Variants in FAM9C observed in about 807,000 individuals in gnomAD.
FAM9C encodes the protein family with sequence similarity 9 member C, also known as protein FAM9C.
A neutral mutation model predicts 14.8 loss-of-function variants in FAM9C; 15 were observed. The ratio of observed to expected loss-of-function variants is 1.02; its 90% CI spans 0.68 to 1.56. The LOEUF (loss-of-function observed/expected upper bound fraction) is 1.56. Ranked by LOEUF, FAM9C falls within the 40% of genes most tolerant of loss-of-function variation. FAM9C has a pLI of 0.00. For missense variants in FAM9C, 116 were observed against 118.0 expected, an observed-to-expected ratio of 0.98 and a Z score of 0.08; for synonymous variants, 45 against 37.5, an observed-to-expected ratio of 1.20 and a Z score of -0.74.
At chrX:13,041,812 G>A (rs2043530197) in intron 4 of FAM9C, 1 of 112,125 alleles carries the variant, frequency 8.9e-6, no homozygotes, top group Admixed American at 9.4e-5. Flanking sequence ...AATACTGCAA[G>A]GAATGCTTTC....
chrX:13,040,881 T>C lies in FAM9C; in HGVS notation c.215-9A>G, dbSNP rs1336048708. 5 of 1,031,249 alleles carry C rather than the reference T, an allele frequency of 4.8e-6. No individual in the cohort carries two copies. In the African/African-American group the frequency reaches 7.6e-5, roughly 16 times the overall value. 85.0% of individuals were successfully genotyped at this position (1,031,249 alleles called of 1,213,427 possible). ...ATGCTCTTTAATGTCAGCTAGATAG[T>C]AAATGAATATGCATTAAATGTTCAT... On this transcript the variant is annotated splice_polypyrimidine_tract_variant and intron_variant, in intron 4 of 7. Coordinates refer to ENST00000380625, the MANE Select transcript of FAM9C (RefSeq NM_174901.6).
Position 13,038,522 on chromosome X carries a change from A to C in FAM9C, c.439-19T>G. 2 of 1,178,379 alleles carry C rather than the reference A, an allele frequency of 1.7e-6. No homozygotes were observed. Among genetic ancestry groups the C allele is most frequent in the Non-Finnish European group, 2.3e-6 (2 of 873,470 alleles). The stretch of plus-strand genomic sequence containing the variant: ...ATATTTTCTAGAGGCACAAAACAAA[A>C]AAGTGATTAAAATTGGGTAAATTTT... On this transcript the variant is annotated intron_variant, in intron 6 of 7. Transcript: ENST00000380625.
intron 3 of FAM9C, 58 bp downstream of exon 3, chrX:13,043,070 A>C (rs2043540906): frequency 8.5e-7 from 1 of 1,181,823 alleles, no homozygotes; most frequent in African/African-American, 1.8e-5. Flanking sequence ...ACATGATCCA[A>C]AGCTGACTTT....
At chrX:13,044,345 T>C (rs1270705054) in intron 1 of FAM9C, among the ~76,000 whole-genome samples, 195 bp downstream of exon 1, 4 of 73,145 alleles carry the variant, frequency 5.5e-5, no homozygotes, top group African/African-American at 2.1e-4. Flanking sequence ...GCTGCACACA[T>C]GCACAGGCCT....
chrX:13,043,607 A>G, intron 2 of FAM9C, 122 bp downstream of exon 2: 1 of 860,073 alleles, frequency 1.2e-6, no homozygotes. Flanking sequence ...CAGCACATGC[A>G]CGGTGAGCTC....
At position 13,042,916 on chromosome X, in the gene FAM9C, A is replaced by G. The variant is rs2043539376; in HGVS notation, c.214+2T>C. 1 of 1,205,695 alleles carries G rather than the reference A, an allele frequency of 8.3e-7. No individual in the cohort carries two copies. The highest frequency in any genetic ancestry group is 1.1e-6 in the Non-Finnish European group (1 of 893,510). ...AAACCACAAATAGCTCGTAAAACATACCTGCAATATCTTCTAGCTCCTTGG... is the reference window on the plus strand; with the variant it reads ...AAACCACAAATAGCTCGTAAAACATGCCTGCAATATCTTCTAGCTCCTTGG... On this transcript the variant is annotated splice_donor_variant, in intron 4 of 7. Transcript: ENST00000380625. LOFTEE classifies it high-confidence loss of function.
chrX:13,039,469 C>T (rs1246878797), intron 6 of FAM9C, among the ~76,000 whole-genome samples: 2 of 111,609 alleles, frequency 1.8e-5, no homozygotes, highest in Non-Finnish European at 3.8e-5. Flanking sequence ...AATTCCACAG[C>T]CAGTCATCAT....
chrX:13,042,879 A>G, intron 4 of FAM9C, 39 bp downstream of exon 4: 1 of 1,206,232 alleles, frequency 8.3e-7, no homozygotes, highest in Non-Finnish European at 1.1e-6. Flanking sequence ...TATGGTTGAA[A>G]ACAATTTTCA....
Position 13,043,872 on chromosome X carries a change from G to T in FAM9C, c.-68-15C>A. The T allele has an allele frequency of 1.0e-6, 1 of 966,020 alleles. No homozygotes were observed. The highest frequency in any genetic ancestry group is 1.5e-6 in the Non-Finnish European group (1 of 675,881). The allele number at this position is 966,020 out of a possible 1,213,427, so 79.6% of individuals were successfully genotyped here. On this transcript the variant is annotated splice_polypyrimidine_tract_variant and intron_variant, in intron 1 of 7. Coordinates refer to ENST00000380625, the MANE Select transcript of FAM9C (RefSeq NM_174901.6). Reference sequence around the variant, plus strand: ...GACCTCTGAACCTGGTGAGTGCAAAGACACACTAAGGACACTAAGGAAACG... The same window carrying T: ...GACCTCTGAACCTGGTGAGTGCAAATACACACTAAGGACACTAAGGAAACG...
chrX:13,040,056 A>G (rs1348576446), intron 5 of FAM9C, 140 bp from the exon 6 acceptor site: 2 of 529,064 alleles, frequency 3.8e-6, no homozygotes, highest in Non-Finnish European at 5.7e-6. Context: ...CTTTTTGGGA[A>G]AAGGTGAAAT....
At chrX:13,041,158 C>A in intron 4 of FAM9C, 1 of 144,785 alleles carries the variant, frequency 6.9e-6, no homozygotes, top group Non-Finnish European at 1.3e-5. Flanking sequence ...GAAAGGGTTA[C>A]AAACACAGAC....
At chrX:13,037,991 C>T (rs1298981086) in intron 7 of FAM9C, 1 of 113,482 alleles carries the variant, frequency 8.8e-6, no homozygotes, top group Non-Finnish European at 1.9e-5. Context: ...TTAACTAAAA[C>T]TCTTGAAACA....
chrX:13,040,900 T>G, intron 4 of FAM9C, 28 bp from the exon 5 acceptor site: 1 of 945,841 alleles, frequency 1.1e-6, no homozygotes, highest in Non-Finnish European at 1.4e-6. Flanking sequence ...ATGCATTAAA[T>G]GTTCATGTTG....
intron 1 of FAM9C, among the ~76,000 whole-genome samples, chrX:13,044,219 G>T (rs908584724): frequency 1.8e-5 from 2 of 111,854 alleles, no homozygotes; most frequent in African/African-American, 6.5e-5. Context: ...CAGGGGCAGG[G>T]ACTGCCCATT....
intron 4 of FAM9C, chrX:13,041,280 T>C (rs2043524815): frequency 9.1e-6 from 1 of 109,811 alleles, no homozygotes; most frequent in East Asian, 2.8e-4. Context: ...GTTCACGCCA[T>C]TCTCCTGCCT....
chrX:13,036,131 T>G (rs997301803), intron 7 of FAM9C, 113 bp from the exon 8 acceptor site: 1 of 112,373 alleles, frequency 8.9e-6, no homozygotes, highest in Non-Finnish European at 1.9e-5. Flanking sequence ...TACTTACAAT[T>G]ACCACAATAT....
intron 1 of FAM9C, 113 bp from the exon 2 acceptor site, chrX:13,043,970 G>A: frequency 2.2e-6 from 1 of 453,601 alleles, no homozygotes; most frequent in Non-Finnish European, 3.9e-6. Flanking sequence ...AGCAGGAGGG[G>A]ACGCGGAGAA....
intron 5 of FAM9C, chrX:13,040,460 TTTATC>T (rs1390939233): frequency 1.9e-5 from 5 of 270,073 alleles, no homozygotes; most frequent in African/African-American, 8.6e-5. Context: ...GTTGAAGACA[TTTATC>T]TTATATTCAC....
rs1391650428 is a variant in FAM9C at position 13,038,420 on chromosome X, G to C, written c.*21C>G. On this transcript the variant is annotated 3_prime_UTR_variant, in exon 7 of 8. Coordinates refer to ENST00000380625, the MANE Select transcript of FAM9C (RefSeq NM_174901.6). ...GTGTTACCAAATAGAACAGACCTTT[G>C]TGAATTGCTCGTGTGGTGGCTCAAT... 1.7e-6 allele frequency: 2 copies of C among 1,192,440 alleles called. No individual in the cohort carries two copies. Among genetic ancestry groups the C allele is most frequent in the South Asian group, 1.9e-5 (1 of 53,637 alleles).
Sources: allele counts gnomAD v4.1 joint callset (sites outside exome capture counted in the v4.1 genomes callset), GRCh38; gene constraint gnomAD v4.1.1; transcripts MANE v1.5; gene names NCBI Gene and HGNC (gene_info 2026-07-23, HGNC 2026-07-21).